Variants in FNIP2 observed in about 807,000 individuals in gnomAD.
FNIP2 encodes folliculin-interacting protein 2.
Under a neutral mutation model 108.7 loss-of-function variants are expected in FNIP2, and 32 were observed. That is an observed-to-expected ratio of 0.29 (90% CI 0.22 to 0.40). The LOEUF is 0.40. Ranked by LOEUF, FNIP2 falls within the 10% of genes least tolerant of loss-of-function variation. FNIP2 has a pLI of 1.00. For missense variants in FNIP2, 1,202 were observed against 1,381.6 expected, an observed-to-expected ratio of 0.87 and a Z score of 2.06; for synonymous variants, 480 against 496.7, an observed-to-expected ratio of 0.97 and a Z score of 0.45.
chr4:158,853,570 C>G lies in FNIP2; in HGVS notation c.857+2120C>G, dbSNP rs551846614. ...GGCGCCGGTGTGTGATGTTCCCCAC[C>G]CTGTGTCCAAGTGGGGACATTGTTC... is the stretch of plus-strand genomic sequence containing the variant. On this transcript the variant is annotated intron_variant, in intron 8 of 16. Transcript: ENST00000264433. Among the ~76,000 whole-genome samples, 5 of 152,258 alleles carry G rather than the reference C, an allele frequency of 3.3e-5. No individual in the cohort carries two copies. In the East Asian group the frequency reaches 9.6e-4, roughly 29 times the overall value.
chr4:158,872,976 T>C (rs1005222322), intron 14 of FNIP2, among the ~76,000 whole-genome samples: 35 of 152,136 alleles, frequency 2.3e-4, no homozygotes, highest in Non-Finnish European at 3.5e-4. Context: ...TTGTAATAAA[T>C]TGCTTTATCA....
At chr4:158,843,381 C>G (rs974659811) in intron 7 of FNIP2, among the ~76,000 whole-genome samples, 1 of 152,226 alleles carries the variant, frequency 6.6e-6, no homozygotes, top group Non-Finnish European at 1.5e-5. Context: ...TGTCATCCTG[C>G]ACATACTGTT....
intron 10 of FNIP2, 103 bp downstream of exon 10, chr4:158,859,769 C>A: frequency 1.0e-6 from 1 of 997,842 alleles, no homozygotes; most frequent in Non-Finnish European, 1.5e-6. Context: ...GCAGTTATTC[C>A]TCACTTTTGT....
At chr4:158,820,885 C>T (rs550676594) in intron 1 of FNIP2, among the ~76,000 whole-genome samples, 1 of 152,222 alleles carries the variant, frequency 6.6e-6, no homozygotes, top group East Asian at 1.9e-4. Context: ...CTGCAGAGAC[C>T]CTGTTTCCAA....
Position 158,905,824 on chromosome 4 carries a change from C to A in FNIP2, c.*1280C>A, listed in dbSNP as rs1467522992. Reference sequence around the variant, plus strand: ...CTTTTAAATATTGGTCATTAAAGGACAGGAGCTAAGCTAGCAAAGCAAAAC... The same window carrying A: ...CTTTTAAATATTGGTCATTAAAGGAAAGGAGCTAAGCTAGCAAAGCAAAAC... On this transcript the variant is annotated 3_prime_UTR_variant, in exon 17 of 17. Transcript: ENST00000264433. 6.6e-6 allele frequency: 1 copy of A among 152,020 alleles called. No individual in the cohort carries two copies. The highest frequency in any genetic ancestry group is 1.5e-5 in the Non-Finnish European group (1 of 68,032). 9.4% of individuals were successfully genotyped at this position (152,020 alleles called of 1,614,324 possible).
chr4:158,862,165 A>G (rs1370456982), intron 12 of FNIP2, among the ~76,000 whole-genome samples: 1 of 152,196 alleles, frequency 6.6e-6, no homozygotes, highest in Non-Finnish European at 1.5e-5. Context: ...GCCTCCATTT[A>G]CTAGATGCCA....
At chr4:158,774,963 G>A (rs934690017) in intron 1 of FNIP2, among the ~76,000 whole-genome samples, 2 of 152,122 alleles carry the variant, frequency 1.3e-5, no homozygotes, top group African/African-American at 4.8e-5. Context: ...GGAGGCATGT[G>A]GTCTTTTAAT....
chr4:158,772,388 CTTGTTGTTG>C (rs1023683301), intron 1 of FNIP2, among the ~76,000 whole-genome samples: 1 of 152,086 alleles, frequency 6.6e-6, no homozygotes, highest in South Asian at 2.1e-4. Flanking sequence ...TAAGGTTGTT[CTTGTTGTTG>C]TTGTTTTTTT....
At chr4:158,808,031 A>G (rs1254774518) in intron 1 of FNIP2, among the ~76,000 whole-genome samples, 4 of 152,188 alleles carry the variant, frequency 2.6e-5, no homozygotes, top group African/African-American at 9.7e-5. Context: ...CTTGATCCCT[A>G]GCTCTGCTGC....
intron 6 of FNIP2, chr4:158,834,288 T>TTCTCTCTCTCTCTCTCTGTC (rs1553959298): frequency 4.7e-5 from 3 of 63,244 alleles, no homozygotes; most frequent in African/African-American, 1.8e-4. Flanking sequence ...CATGGAAGAC[T>TTCTCTCTCTCTCTCTCTGTC]TCTCTCTCTC....
intron 12 of FNIP2, among the ~76,000 whole-genome samples, chr4:158,864,532 C>T (rs1228871951): frequency 1.3e-5 from 2 of 151,996 alleles, no homozygotes; most frequent in Non-Finnish European, 2.9e-5. Context: ...ACTCTCTTCT[C>T]GTCTCCTTAT....
intron 1 of FNIP2, among the ~76,000 whole-genome samples, chr4:158,790,437 T>C (rs1388868240): frequency 6.6e-6 from 1 of 152,008 alleles, no homozygotes; most frequent in African/African-American, 2.4e-5. Context: ...TACCAAAAAA[T>C]AGGCACAAGG....
Position 158,907,721 on chromosome 4 carries a change from G to T in FNIP2, c.*3177G>T, listed in dbSNP as rs1579028993. ...ATGTGAACCATTTGTTTTTTATTGTGCTTGGGGGAGAGGGTATTTTAATAT... is the reference window on the plus strand; with the variant it reads ...ATGTGAACCATTTGTTTTTTATTGTTCTTGGGGGAGAGGGTATTTTAATAT... On this transcript the variant is annotated 3_prime_UTR_variant, in exon 17 of 17. Coordinates refer to ENST00000264433, the MANE Select transcript of FNIP2 (RefSeq NM_020840.3). 6.6e-6 allele frequency: 1 copy of T among 152,126 alleles called. No homozygotes were observed. The highest frequency in any genetic ancestry group is 1.9e-4 in the East Asian group (1 of 5,202). The allele number at this position is 152,126 out of a possible 1,614,324, so 9.4% of individuals were successfully genotyped here.
chr4:158,834,320 C>CTCTCTCTG (rs1406862120), intron 6 of FNIP2: 1 of 150,176 alleles, frequency 6.7e-6, no homozygotes, highest in African/African-American at 2.5e-5. Flanking sequence ...CTCTCTCTCT[C>CTCTCTCTG]TCTCTCTCTC....
rs138269065 is a variant in FNIP2 at position 158,860,179 on chromosome 4, A to G, written c.1148+513A>G. Among the ~76,000 whole-genome samples, 105 of 152,290 alleles carry G rather than the reference A, an allele frequency of 6.9e-4. 1 individual carries two copies. Among genetic ancestry groups the G allele is most frequent in the African/African-American group, 2.3e-3 (95 of 41,558 alleles). Reference sequence around the variant, plus strand: ...TGTGGAAAGGTAAATTGTGTTGGGTAGCAGGTGGGATCCTCTCTGATCATG... The same window carrying G: ...TGTGGAAAGGTAAATTGTGTTGGGTGGCAGGTGGGATCCTCTCTGATCATG... On this transcript the variant is annotated intron_variant, in intron 10 of 16. Transcript: ENST00000264433.
chr4:158,786,025 G>A (rs1287458007), intron 1 of FNIP2, among the ~76,000 whole-genome samples: 1 of 152,126 alleles, frequency 6.6e-6, no homozygotes, highest in East Asian at 1.9e-4. Flanking sequence ...TCTGACCTTT[G>A]CCTGGACTGA....
intron 7 of FNIP2, 114 bp from the exon 8 acceptor site, chr4:158,851,207 A>G (rs1779681173): frequency 1.6e-6 from 2 of 1,244,206 alleles, no homozygotes; most frequent in African/African-American, 1.5e-5. Flanking sequence ...GTGATATTAA[A>G]TACATAATAA....
intron 1 of FNIP2, among the ~76,000 whole-genome samples, chr4:158,777,470 A>G (rs550872896): frequency 1.3e-5 from 2 of 152,364 alleles, no homozygotes; most frequent in African/African-American, 4.8e-5. Flanking sequence ...CGAATCTGAC[A>G]TGTTCTTTAA....
intron 5 of FNIP2, among the ~76,000 whole-genome samples, chr4:158,832,970 A>G (rs1029177346): frequency 2.6e-4 from 40 of 152,232 alleles, no homozygotes; most frequent in African/African-American, 8.9e-4. Context: ...AATACAATAA[A>G]TTATTAAAAT....
Sources: gnomAD v4.1 joint callset for allele counts (sites outside exome capture counted in the v4.1 genomes callset) on GRCh38, gnomAD v4.1.1 for gene constraint, MANE v1.5 for transcripts, NCBI Gene and HGNC (gene_info 2026-07-23, HGNC 2026-07-21) for gene names.